MFSD12: variants seen among roughly 807,000 people sequenced by gnomAD.
The protein encoded by MFSD12 is major facilitator superfamily domain-containing protein 12.
Under a neutral mutation model 51.2 loss-of-function variants are expected in MFSD12, and 67 were observed. That is an observed-to-expected ratio of 1.31 (90% CI 1.08 to 1.60). The LOEUF is 1.60. Ranked by LOEUF, MFSD12 falls within the 40% of genes most tolerant of loss-of-function variation. The pLI is 0.00. For missense variants in MFSD12, 921 were observed against 673.0 expected, an observed-to-expected ratio of 1.37 and a Z score of -4.08; for synonymous variants, 441 against 316.7, an observed-to-expected ratio of 1.39 and a Z score of -4.17.
chr19:3,538,356 C>A, exon 5 of MFSD12: 1 of 222,628 alleles, frequency 4.5e-6, no homozygotes, highest in Non-Finnish European at 9.2e-6. Flanking sequence ...GTACCTTCAC[C>A]ACGCCGTGCA....
At position 3,544,271 on chromosome 19, in the gene MFSD12, G is replaced by A; in HGVS notation, c.*439C>T. On this transcript the variant is annotated 3_prime_UTR_variant, in exon 10 of 10. Transcript: ENST00000355415. ...GGGCAGCCCTGCTGCCCACCACGGT[G>A]GGGTCCAGGCCCAGCCCACCACCCC... The A allele has an allele frequency of 2.3e-6, 3 of 1,310,472 alleles. No individual in the cohort carries two copies. The highest frequency in any genetic ancestry group is 2.9e-6 in the Non-Finnish European group (3 of 1,031,194). 81.2% of individuals were successfully genotyped at this position (1,310,472 alleles called of 1,614,324 possible). A position where few individuals can be genotyped will look rare whatever the true frequency, so the allele number is the denominator to read the frequency against.
chr19:3,542,564 C>T (rs371046368), downstream of MFSD12: 2 of 824,778 alleles, frequency 2.4e-6, no homozygotes, highest in African/African-American at 1.9e-5. Flanking sequence ...AACTCCACTT[C>T]CTGGGTTCAA....
intron 1 of MFSD12, among the ~76,000 whole-genome samples, chr19:3,554,755 G>C (rs954293983): frequency 1.3e-5 from 2 of 152,212 alleles, no homozygotes; most frequent in African/African-American, 2.4e-5. Flanking sequence ...GGGATTGTGG[G>C]GGAGCTCCCC....
At chr19:3,547,611 G>T in intron 4 of MFSD12, 64 bp from the exon 5 acceptor site, 1 of 1,440,888 alleles carries the variant, frequency 6.9e-7, no homozygotes, top group Non-Finnish European at 9.5e-7. Flanking sequence ...CCCACCAGCA[G>T]GGGGCACCGG....
intron 8 of MFSD12, among the ~76,000 whole-genome samples, chr19:3,545,214 C>T (rs910828547): frequency 4.6e-5 from 7 of 152,354 alleles, no homozygotes; most frequent in Middle Eastern, 6.8e-3. Flanking sequence ...CCGCCCCGGT[C>T]CCAGGCTGCA....
chr19:3,543,166 G>A, downstream of MFSD12: 1 of 1,519,308 alleles, frequency 6.6e-7, no homozygotes, highest in Non-Finnish European at 8.8e-7. Flanking sequence ...CACCCTGGCA[G>A]ACATCGCAAA....
At chr19:3,550,404 T>A (rs2031403693) in intron 2 of MFSD12, among the ~76,000 whole-genome samples, 1 of 151,936 alleles carries the variant, frequency 6.6e-6, no homozygotes, top group Non-Finnish European at 1.5e-5. Flanking sequence ...TTTGTTTTTT[T>A]TTTTTGAGAC....
Position 3,557,203 on chromosome 19 carries a change from C to T in MFSD12, c.201G>A (p.Val67=), listed in dbSNP as rs1193608873. 2.5e-6 allele frequency: 4 copies of T among 1,574,692 alleles called. No individual in the cohort carries two copies. In the Admixed American group the frequency reaches 7.3e-5, roughly 29 times the overall value. The change falls in exon 1 of 10, where the codon GTG becomes GTA. Residue 67 remains valine, a synonymous_variant. Coordinates refer to ENST00000355415, the MANE Select transcript of MFSD12 (RefSeq NM_174983.5). ...CGAGCGGTGTGCACAGCCCGTCGGCCACCTGGCCCAGCAGCAGCAGCAGCC... is the reference window on the plus strand; with the variant it reads ...CGAGCGGTGTGCACAGCCCGTCGGCTACCTGGCCCAGCAGCAGCAGCAGCC... ...GAGLLLLLGQ[V]ADGLCTPLVG...
chr19:3,545,031 G>T (rs373486922), intron 8 of MFSD12, 92 bp from the exon 9 acceptor site: 30 of 1,469,832 alleles, frequency 2.0e-5, no homozygotes, highest in Non-Finnish European at 2.6e-5. Flanking sequence ...CCCCGACAGC[G>T]GCTCCGTCCT....
chr19:3,539,912 AAAG>A (rs1185827311), downstream of MFSD12: 1 of 152,188 alleles, frequency 6.6e-6, no homozygotes, highest in Admixed American at 6.6e-5. Flanking sequence ...CAGCCATGAA[AAAG>A]AAGAGTGAAA....
downstream of MFSD12, chr19:3,543,825 A>C: frequency 6.6e-7 from 1 of 1,523,016 alleles, no homozygotes; most frequent in Non-Finnish European, 8.9e-7. Flanking sequence ...AGTCCCACCT[A>C]CAGTGCTCAA....
At chr19:3,543,621 C>T (rs766219429), downstream of MFSD12, 231 of 1,544,676 alleles carry the variant, frequency 1.5e-4, no homozygotes, top group Non-Finnish European at 2.0e-4. Context: ...TACCAGGCCC[C>T]CAGCACCCGG....
intron 2 of MFSD12, among the ~76,000 whole-genome samples, chr19:3,548,885 G>C (rs1262240027): frequency 6.6e-6 from 1 of 152,200 alleles, no homozygotes; most frequent in Non-Finnish European, 1.5e-5. Flanking sequence ...GTTAGCGCCT[G>C]CACCTCTGTC....
chr19:3,543,428 C>T (rs528470674), downstream of MFSD12: 450 of 1,546,818 alleles, frequency 2.9e-4, 1 homozygote, highest in East Asian at 3.5e-3. Context: ...GGCCTACAAC[C>T]GCTGGCACAG....
At position 3,545,423 on chromosome 19, in the gene MFSD12, C is replaced by T. The variant is rs551463209; in HGVS notation, c.1290-484G>A. ...CCCTCCTCCCTCTACTCCAGCCACACAGGCCTCCTCCCTGTTCTTCCAACA... is the reference window on the plus strand; with the variant it reads ...CCCTCCTCCCTCTACTCCAGCCACATAGGCCTCCTCCCTGTTCTTCCAACA... On this transcript the variant is annotated intron_variant, in intron 8 of 9. Coordinates refer to ENST00000355415, the MANE Select transcript of MFSD12 (RefSeq NM_174983.5). Among the ~76,000 whole-genome samples the T allele has an allele frequency of 4.0e-5, 6 of 151,174 alleles. No individual in the cohort carries two copies. The East Asian group carries it at 1.2e-3, about 29-fold the overall frequency.
intron 6 of MFSD12, 52 bp from the exon 7 acceptor site, chr19:3,546,477 T>C: frequency 6.5e-7 from 1 of 1,544,496 alleles, no homozygotes; most frequent in Non-Finnish European, 8.7e-7. Flanking sequence ...CCCCCAAGCC[T>C]GGCGCTTCAA....
intron 1 of MFSD12, among the ~76,000 whole-genome samples, chr19:3,555,499 C>T (rs1407370093): frequency 6.6e-6 from 1 of 152,192 alleles, no homozygotes; most frequent in Admixed American, 6.5e-5. Flanking sequence ...CCAATCCCAA[C>T]GTAACCACAA....
In MFSD12 at chr19:3,544,549, C is replaced by T. The variant is rs190163747; in HGVS notation, c.*161G>A. 4.9e-6 allele frequency: 7 copies of T among 1,428,692 alleles called. No individual in the cohort carries two copies. Among genetic ancestry groups the T allele is most frequent in the Non-Finnish European group, 6.4e-6 (7 of 1,094,896 alleles). 88.5% of individuals were successfully genotyped at this position (1,428,692 alleles called of 1,614,324 possible). On this transcript the variant is annotated 3_prime_UTR_variant, in exon 10 of 10. Coordinates refer to ENST00000355415, the MANE Select transcript of MFSD12 (RefSeq NM_174983.5). ...CCTTGCAAGTCCCTGGCGGGCATCCCTGCTGCCCTCACCCGACCCCACCCC... is the reference window on the plus strand; with the variant it reads ...CCTTGCAAGTCCCTGGCGGGCATCCTTGCTGCCCTCACCCGACCCCACCCC...
chr19:3,538,658 C>T (rs1202082455), exon 5 of MFSD12: 9 of 330,278 alleles, frequency 2.7e-5, no homozygotes, highest in Middle Eastern at 5.6e-4. Flanking sequence ...ACGGTGGCGG[C>T]GCCGTGCTGA....
Sources: allele counts gnomAD v4.1 joint callset (sites outside exome capture counted in the v4.1 genomes callset), GRCh38; gene constraint gnomAD v4.1.1; transcripts MANE v1.5; gene names NCBI Gene and HGNC (gene_info 2026-07-23, HGNC 2026-07-21).